C20orf203: variants seen among roughly 807,000 people sequenced by gnomAD.
C20orf203 encodes chromosome 20 open reading frame 203.
In C20orf203, 16 loss-of-function variants were observed where a neutral mutation model predicts 15.9. The ratio of observed to expected loss-of-function variants is 1.01; its 90% CI spans 0.68 to 1.53. The LOEUF is 1.53. Ranked by LOEUF, C20orf203 falls within the 40% of genes most tolerant of loss-of-function variation. C20orf203 has a pLI of 0.00. For synonymous variants in C20orf203, 98 were observed against 97.2 expected, an observed-to-expected ratio of 1.01 and a Z score of -0.05; for missense variants, 263 against 247.5, an observed-to-expected ratio of 1.06 and a Z score of -0.42.
intron 4 of C20orf203, among the ~76,000 whole-genome samples, chr20:32,648,036 A>G (rs1236227581): frequency 2.0e-5 from 3 of 152,218 alleles, no homozygotes; most frequent in Non-Finnish European, 2.9e-5. Flanking sequence ...TTCTTCCTCC[A>G]TCCCTGGCAG....
At chr20:32,662,316 G>A (rs1193408770) in intron 1 of C20orf203, among the ~76,000 whole-genome samples, 3 of 152,076 alleles carry the variant, frequency 2.0e-5, no homozygotes, top group Non-Finnish European at 4.4e-5. Context: ...ATAAATAAAC[G>A]GGCTGGGCAC....
chr20:32,670,142 G>A (rs375302442), intron 1 of C20orf203, among the ~76,000 whole-genome samples: 36 of 152,082 alleles, frequency 2.4e-4, no homozygotes, highest in Middle Eastern at 3.4e-3. Context: ...CCCGGGAGTC[G>A]GAGGTTGCAA....
In C20orf203 at chr20:32,642,997, C is replaced by A. The variant is rs1018613852; in HGVS notation, c.*1178-2310G>T. Among the ~76,000 whole-genome samples, 7 of 152,276 alleles carry A rather than the reference C, an allele frequency of 4.6e-5. No homozygotes were observed. In the South Asian group the frequency reaches 1.5e-3, roughly 32 times the overall value. On this transcript the variant is annotated intron_variant, in intron 4 of 5. Transcript: ENST00000608990. ...AGGCTACAGACAGTGGGCAGGAGGG[C>A]TCACCCACAGGGCATCCCCAGACCC...
At chr20:32,645,881 T>C (rs1161563689) in intron 4 of C20orf203, among the ~76,000 whole-genome samples, 1 of 152,212 alleles carries the variant, frequency 6.6e-6, no homozygotes, top group Non-Finnish European at 1.5e-5. Context: ...TGGCCAGCAG[T>C]GTTGAGGATG....
chr20:32,632,417 A>T lies in C20orf203; in HGVS notation c.*3153T>A, dbSNP rs1418084005. On this transcript the variant is annotated 3_prime_UTR_variant, in exon 6 of 6. Transcript: ENST00000608990. ...CAAAGGGGTAAAATAATTCAAACAA[A>T]GCAAAGGGATGTACAGTGAAAAACA... 1 of 152,196 alleles carries T rather than the reference A, an allele frequency of 6.6e-6. No individual in the cohort carries two copies. The highest frequency in any genetic ancestry group is 6.5e-5 in the Admixed American group (1 of 15,276). 9.4% of individuals were successfully genotyped at this position (152,196 alleles called of 1,614,324 possible).
intron 1 of C20orf203, among the ~76,000 whole-genome samples, chr20:32,662,345 TC>T (rs1291324401): frequency 6.6e-6 from 1 of 152,106 alleles, no homozygotes; most frequent in African/African-American, 2.4e-5. Flanking sequence ...ACACCTGTAA[TC>T]CCAGCACTTT....
chr20:32,641,110 G>A (rs1982268374), intron 4 of C20orf203, among the ~76,000 whole-genome samples: 1 of 152,018 alleles, frequency 6.6e-6, no homozygotes, highest in African/African-American at 2.4e-5. Flanking sequence ...CTTGAGGCCA[G>A]GAGTTCGAGA....
chr20:32,652,742 G>A (rs1388161971), intron 1 of C20orf203, among the ~76,000 whole-genome samples: 1 of 152,126 alleles, frequency 6.6e-6, no homozygotes, highest in South Asian at 2.1e-4. Context: ...AGTTTGGGGG[G>A]CTTCCTGCTG....
rs147487671 is a variant in C20orf203, at chr20:32,666,155, T to TAA, written c.-264+7475_-264+7476dup. 3.8e-4 allele frequency among the ~76,000 whole-genome samples: 39 copies of TAA among 102,744 alleles called. 3 individuals carry two copies. In the East Asian group the frequency reaches 9.8e-3, roughly 26 times the overall value. 67.4% of individuals were successfully genotyped at this position (102,744 alleles called of 152,430 possible). A position where few individuals can be genotyped will look rare whatever the true frequency, so the allele number is the denominator to read the frequency against. On this transcript the variant is annotated intron_variant, in intron 1 of 5. Coordinates refer to ENST00000608990, the MANE Select transcript of C20orf203 (RefSeq NM_182584.4). ...CTCAATAAAAAATAAATAAATAAAG[T>TAA]AAAAAAAAAAAAAAAAAAAAAAGAT...
In C20orf203 at chr20:32,645,225, G is replaced by A. The variant is rs553170825; in HGVS notation, c.*1177+4030C>T. On this transcript the variant is annotated intron_variant, in intron 4 of 5. Coordinates refer to ENST00000608990, the MANE Select transcript of C20orf203 (RefSeq NM_182584.4). ...CTAGTACTCTGATCATCTGTTCAGG[G>A]AAGACAGGTAGAGAAATCCATTTTC... Among the ~76,000 whole-genome samples, 201 of 152,272 alleles carry A rather than the reference G, an allele frequency of 1.3e-3. 1 individual carries two copies. The highest frequency in any genetic ancestry group is 4.7e-3 in the African/African-American group (194 of 41,550).
chr20:32,640,292 G>T (rs1306986260), intron 5 of C20orf203, among the ~76,000 whole-genome samples: 2 of 151,832 alleles, frequency 1.3e-5, no homozygotes, highest in African/African-American at 4.8e-5. Context: ...TAACAGCTTT[G>T]TTGAGATATA....
rs1982070263 is a variant in C20orf203 at position 32,633,957 on chromosome 20, A to G, written c.*1613T>C. ...CTGATGCCTGAGCTTCAGCTTCCCC[A>G]CTCCGGACTGTTTCATGCGTTCATT... On this transcript the variant is annotated 3_prime_UTR_variant, in exon 6 of 6. Coordinates refer to ENST00000608990, the MANE Select transcript of C20orf203 (RefSeq NM_182584.4). The G allele has an allele frequency of 2.5e-6, 1 of 397,906 alleles. No individual in the cohort carries two copies. Among genetic ancestry groups the G allele is most frequent in the African/African-American group, 2.1e-5 (1 of 48,380 alleles). The allele number at this position is 397,906 out of a possible 1,614,324, so 24.6% of individuals were successfully genotyped here. A position where few individuals can be genotyped will look rare whatever the true frequency, so the allele number is the denominator to read the frequency against.
intron 1 of C20orf203, among the ~76,000 whole-genome samples, chr20:32,663,716 G>A (rs1479582696): frequency 6.6e-6 from 1 of 152,244 alleles, no homozygotes; most frequent in East Asian, 1.9e-4. Context: ...CACCAGCCCA[G>A]GTTCATCCCC....
At chr20:32,660,652 T>G (rs1036264840) in intron 1 of C20orf203, among the ~76,000 whole-genome samples, 6 of 152,164 alleles carry the variant, frequency 3.9e-5, no homozygotes, top group African/African-American at 1.2e-4. Context: ...CCTCATAGTT[T>G]CCTGGTGGCC....
chr20:32,642,443 T>C (rs1196849992), intron 4 of C20orf203, among the ~76,000 whole-genome samples: 1 of 151,968 alleles, frequency 6.6e-6, no homozygotes, highest in East Asian at 1.9e-4. Flanking sequence ...GACCAAGAAG[T>C]CCACACCCCA....
intron 1 of C20orf203, among the ~76,000 whole-genome samples, chr20:32,671,840 CAAAAAAAAAAAA>C (rs869043468): frequency 3.0e-4 from 20 of 66,302 alleles, no homozygotes; most frequent in Middle Eastern, 0.016. Flanking sequence ...ACTCTGTCTC[CAAAAAAAAAAAA>C]AAAAAAAAAA....
Position 32,662,952 on chromosome 20 carries a change from G to GTT in C20orf203, c.-264+10678_-264+10679dup, listed in dbSNP as rs777684329. On this transcript the variant is annotated intron_variant, in intron 1 of 5. Transcript: ENST00000608990. ...ATATAGATAGATAGATATAAATATA[G>GTT]TTTTTTTTTTTTTTGAGACAGAGTC... Among the ~76,000 whole-genome samples the GTT allele has an allele frequency of 5.6e-3, 736 of 131,890 alleles. 15 individuals are homozygous for GTT. Among genetic ancestry groups the GTT allele is most frequent in the African/African-American group, 0.018 (644 of 34,838 alleles). The allele number at this position is 131,890 out of a possible 152,430, so 86.5% of individuals were successfully genotyped here.
intron 1 of C20orf203, among the ~76,000 whole-genome samples, chr20:32,659,225 A>G (rs1330594340): frequency 6.6e-6 from 1 of 151,760 alleles, no homozygotes; most frequent in Non-Finnish European, 1.5e-5. Flanking sequence ...TGCACAGCCG[A>G]CCCCCTTGCC....
At chr20:32,637,620 T>C (rs1470576319) in intron 5 of C20orf203, among the ~76,000 whole-genome samples, 2 of 152,196 alleles carry the variant, frequency 1.3e-5, no homozygotes, top group African/African-American at 4.8e-5. Context: ...ATGTCATTTG[T>C]TCACTTTCAC....
Sources: gnomAD v4.1 joint callset for allele counts (sites outside exome capture counted in the v4.1 genomes callset) on GRCh38, gnomAD v4.1.1 for gene constraint, MANE v1.5 for transcripts, NCBI Gene and HGNC (gene_info 2026-07-23, HGNC 2026-07-21) for gene names.